Variants in RBL2 observed in about 807,000 individuals in gnomAD.
RBL2 encodes RB transcriptional corepressor like 2.
In RBL2, 56 loss-of-function variants were observed where a neutral mutation model predicts 126.0. The ratio of observed to expected loss-of-function variants is 0.44; its 90% CI spans 0.36 to 0.56. RBL2 has a LOEUF of 0.56. Among genes scored for constraint, RBL2 ranks in the 20% least tolerant of loss-of-function variants. The probability of loss-of-function intolerance (pLI) is 0.00; values close to 1 mark genes in which losing one functional copy is unlikely to be tolerated. For synonymous variants in RBL2, 454 were observed against 478.5 expected, an observed-to-expected ratio of 0.95 and a Z score of 0.67; for missense variants, 1,229 against 1,398.2, an observed-to-expected ratio of 0.88 and a Z score of 1.93.
chr16:53,474,143 C>T (rs1384676372), intron 17 of RBL2, among the ~76,000 whole-genome samples: 1 of 151,924 alleles, frequency 6.6e-6, no homozygotes, highest in Non-Finnish European at 1.5e-5. Context: ...CAGGTACATG[C>T]TGCCATGCCT....
At chr16:53,475,581 G>C (rs901964510) in intron 17 of RBL2, among the ~76,000 whole-genome samples, 1 of 151,830 alleles carries the variant, frequency 6.6e-6, no homozygotes, top group African/African-American at 2.4e-5. Context: ...CAATTTTCTT[G>C]ATCTTTTTCT....
chr16:53,465,148 A>T (rs1052520831), intron 12 of RBL2, among the ~76,000 whole-genome samples: 8 of 152,212 alleles, frequency 5.3e-5, no homozygotes, highest in African/African-American at 1.9e-4. Flanking sequence ...ACTAATTTTT[A>T]TAGTGGCATA....
intron 1 of RBL2, among the ~76,000 whole-genome samples, chr16:53,435,272 G>T (rs960437983): frequency 2.0e-5 from 3 of 152,158 alleles, no homozygotes; most frequent in Non-Finnish European, 4.4e-5. Context: ...TGGCGTTGCG[G>T]GCGTTTGAGT....
intron 8 of RBL2, among the ~76,000 whole-genome samples, chr16:53,455,243 T>C (rs2058156059): frequency 6.6e-6 from 1 of 152,198 alleles, no homozygotes; most frequent in South Asian, 2.1e-4. Context: ...GAAAATTCTT[T>C]TAAACTGAAT....
chr16:53,435,513 G>C (rs933731234), intron 1 of RBL2: 4 of 1,140,108 alleles, frequency 3.5e-6, no homozygotes. Context: ...GCAGCCTTCG[G>C]ACAGGGCTTG....
chr16:53,467,528 C>G (rs1166196188), intron 14 of RBL2, among the ~76,000 whole-genome samples: 1 of 152,182 alleles, frequency 6.6e-6, no homozygotes, highest in Non-Finnish European at 1.5e-5. Flanking sequence ...GCTGGGACTA[C>G]AGGCATGCGC....
chr16:53,457,624 C>T (rs1284286654), intron 8 of RBL2, among the ~76,000 whole-genome samples: 1 of 152,090 alleles, frequency 6.6e-6, no homozygotes. Flanking sequence ...AGAGAGAATA[C>T]AAGAGGACTA....
rs757881914 is a variant in RBL2 at position 53,470,574 on chromosome 16, G to C, written c.2437G>C (p.Gly813Arg). ...GQVAIQQISP[G>R]GQQQKQGQSV... ...AGTGGCCATTCAACAGATTTCCCCA[G>C]GTGGCCAACAGCAGAAGCAAGGCCA... Residue 813 changes from glycine (G) to arginine (R), a missense_variant, in exon 16 of 22, where the codon GGT becomes CGT. Physicochemically the swap from Gly to Arg is moderately radical, Grantham distance 125. This residue lies in a region of RBL2 where 1,070 missense variants were observed against 1,274.3 expected (regional missense o/e 0.84). Coordinates refer to ENST00000262133, the MANE Select transcript of RBL2 (RefSeq NM_005611.4). 1 of 1,614,160 alleles carries C rather than the reference G, an allele frequency of 6.2e-7. No individual in the cohort carries two copies. Among genetic ancestry groups the C allele is most frequent in the South Asian group, 1.1e-5 (1 of 91,084 alleles).
At chr16:53,454,411 G>A in intron 7 of RBL2, 1 of 425,436 alleles carries the variant, frequency 2.4e-6, no homozygotes, top group Non-Finnish European at 4.4e-6. Context: ...CACCATATTG[G>A]CCAGGCTGGT....
At chr16:53,464,460 T>C (rs1567737562) in intron 12 of RBL2, 97 bp downstream of exon 12, 1 of 1,078,786 alleles carries the variant, frequency 9.3e-7, no homozygotes, top group Non-Finnish European at 1.3e-6. Context: ...AGAACATTTA[T>C]TCTGTTTTTA....
chr16:53,465,226 CAT>C (rs1271471494), intron 12 of RBL2, among the ~76,000 whole-genome samples: 1 of 152,106 alleles, frequency 6.6e-6, no homozygotes, highest in Non-Finnish European at 1.5e-5. Flanking sequence ...ATGTACAAAA[CAT>C]GTATTTTCAT....
intron 14 of RBL2, among the ~76,000 whole-genome samples, chr16:53,468,271 G>T (rs1351341156): frequency 1.3e-5 from 2 of 152,114 alleles, no homozygotes; most frequent in African/African-American, 4.8e-5. Context: ...GGGCATGGTG[G>T]CTCATGCCTG....
At chr16:53,482,941 AAATGC>A (rs1961014904) in intron 21 of RBL2, among the ~76,000 whole-genome samples, 1 of 152,170 alleles carries the variant, frequency 6.6e-6, no homozygotes, top group Non-Finnish European at 1.5e-5. Flanking sequence ...CACGACATCC[AAATGC>A]AATGCATGAT....
intron 13 of RBL2, chr16:53,466,711 T>A (rs2058275756): frequency 4.8e-6 from 1 of 208,728 alleles, no homozygotes; most frequent in African/African-American, 2.4e-5. Context: ...CAGATGAAGC[T>A]TTGCTCGCAT....
At chr16:53,437,032 G>A (rs895998994) in intron 1 of RBL2, among the ~76,000 whole-genome samples, 6 of 151,512 alleles carry the variant, frequency 4.0e-5, no homozygotes, top group African/African-American at 1.5e-4. Context: ...CGATATAGTT[G>A]TAAACTTTCT....
chr16:53,472,942 G>A (rs1214339643), intron 17 of RBL2, among the ~76,000 whole-genome samples: 1 of 152,122 alleles, frequency 6.6e-6, no homozygotes, highest in East Asian at 1.9e-4. Flanking sequence ...CAGCACCATT[G>A]TTGAAAAGAA....
chr16:53,478,871 C>T, intron 17 of RBL2: 1 of 310,208 alleles, frequency 3.2e-6, no homozygotes, highest in Non-Finnish European at 5.9e-6. Flanking sequence ...ATCCACCCTC[C>T]TCAGCCTCCC....
At chr16:53,472,644 C>G (rs536353806) in intron 17 of RBL2, among the ~76,000 whole-genome samples, 37 of 152,306 alleles carry the variant, frequency 2.4e-4, no homozygotes, top group African/African-American at 8.9e-4. Context: ...ACTACCTTCT[C>G]AGATGTATGA....
intron 3 of RBL2, among the ~76,000 whole-genome samples, chr16:53,443,071 C>A (rs1294226473): frequency 6.6e-6 from 1 of 151,224 alleles, no homozygotes; most frequent in Non-Finnish European, 1.5e-5. Context: ...GTATACAGGT[C>A]TTTGTTTCTA....
Sources: gnomAD v4.1 joint callset for allele counts (sites outside exome capture counted in the v4.1 genomes callset) on GRCh38, gnomAD v4.1.1 for gene constraint, gnomAD v4.1.1 regional missense constraint, MANE v1.5 for transcripts, NCBI Gene and HGNC (gene_info 2026-07-23, HGNC 2026-07-21) for gene names.